The following PHC3 variants were observed in gnomAD, a reference collection of about 807,000 sequenced individuals.
The protein encoded by PHC3 is polyhomeotic-like protein 3.
PHC3 carries 13 observed loss-of-function variants against 107.4 expected under a neutral mutation model. The observed-to-expected ratio is 0.12, with a 90% CI of 0.08 to 0.19. PHC3 has a LOEUF of 0.19. PHC3 is among the 10% of genes least tolerant of loss of function. The pLI is 1.00. For synonymous variants in PHC3, 456 were observed against 427.4 expected (o/e 1.07, Z -0.83); for missense variants, 992 against 1,210.9 (o/e 0.82, Z 2.68).
chr3:170,152,900 G>A (rs1465102203), intron 4 of PHC3, among the ~76,000 whole-genome samples: 3 of 151,908 alleles, frequency 2.0e-5, no homozygotes, highest in Non-Finnish European at 4.4e-5. Context: ...GGGCTCAAGC[G>A]ATACCCCCAC....
At chr3:170,119,796 A>G (rs1319036574) in intron 9 of PHC3, among the ~76,000 whole-genome samples, 1 of 151,964 alleles carries the variant, frequency 6.6e-6, no homozygotes, top group Non-Finnish European at 1.5e-5. Flanking sequence ...CTATTTCTGC[A>G]AGTTAGTTTA....
intron 9 of PHC3, among the ~76,000 whole-genome samples, chr3:170,118,657 C>T (rs1243359727): frequency 3.3e-5 from 5 of 152,084 alleles, no homozygotes; most frequent in African/African-American, 4.8e-5. Flanking sequence ...GTGATCCACC[C>T]GCCTCGGCCT....
chr3:170,151,108 G>A (rs1348225437), intron 4 of PHC3, among the ~76,000 whole-genome samples: 2 of 151,986 alleles, frequency 1.3e-5, no homozygotes, highest in African/African-American at 4.8e-5. Context: ...CTACTCAGAA[G>A]GCTGAGGCAG....
intron 5 of PHC3, 199 bp downstream of exon 5, chr3:170,148,887 G>GATACCA: frequency 2.0e-6 from 1 of 490,940 alleles, no homozygotes; most frequent in South Asian, 3.6e-5. Context: ...ATTACTATTT[G>GATACCA]ATACCAAGAA....
chr3:170,181,719 C>G lies in PHC3; in HGVS notation c.-4G>C. On this transcript the variant is annotated 5_prime_UTR_variant, in exon 1 of 15. Coordinates refer to ENST00000495893, the MANE Select transcript of PHC3 (RefSeq NM_024947.4). ...TCACTCACTCCGCTTCCGCCATCTT[C>G]TCTCCTCCATCACTAACATGGGCTG... 6.2e-7 allele frequency: 1 copy of G among 1,613,028 alleles called. No individual in the cohort carries two copies. The highest frequency in any genetic ancestry group is 1.1e-5 in the South Asian group (1 of 91,082).
Position 170,089,933 on chromosome 3 carries a change from AAAAAAAAAAAAGAAAG to A in PHC3, c.*7281_*7296del, listed in dbSNP as rs1342324778. The A allele has an allele frequency of 5.9e-5, 9 of 151,430 alleles. No homozygotes were observed. In the South Asian group the frequency reaches 1.3e-3, roughly 21 times the overall value. The allele number at this position is 151,430 out of a possible 1,614,324, so 9.4% of individuals were successfully genotyped here. The stretch of plus-strand genomic sequence containing the variant: ...CCATCTCAAAAAAAAAAAAAAGAAA[AAAAAAAAAAAAGAAAG>A]AAAGTTGCTCACTGTCAATACTGGG... On this transcript the variant is annotated 3_prime_UTR_variant, in exon 15 of 15. Transcript: ENST00000495893.
chr3:170,126,524 ATATATT>A (rs1237770862), intron 8 of PHC3, among the ~76,000 whole-genome samples: 3 of 80,046 alleles, frequency 3.7e-5, no homozygotes, highest in African/African-American at 1.5e-4. Flanking sequence ...ATATATATAT[ATATATT>A]TTTTTTTTTT....
chr3:170,105,779 T>C (rs1336288394), intron 12 of PHC3, among the ~76,000 whole-genome samples: 2 of 152,224 alleles, frequency 1.3e-5, no homozygotes, highest in Non-Finnish European at 1.5e-5. Flanking sequence ...TTCAAAATAG[T>C]GTGCACACAC....
chr3:170,113,302 T>C (rs1718189767), intron 11 of PHC3, 58 bp downstream of exon 11: 1 of 1,498,524 alleles, frequency 6.7e-7, no homozygotes, highest in South Asian at 1.3e-5. Context: ...CCACATCCTG[T>C]TTTAAGCAGT....
chr3:170,173,565 T>C (rs1729950966), intron 2 of PHC3, among the ~76,000 whole-genome samples: 1 of 152,222 alleles, frequency 6.6e-6, no homozygotes, highest in Non-Finnish European at 1.5e-5. Flanking sequence ...ACTTAAAATG[T>C]GGTTAGTGCA....
intron 7 of PHC3, among the ~76,000 whole-genome samples, chr3:170,130,957 T>C (rs1304355292): frequency 2.0e-5 from 3 of 152,110 alleles, no homozygotes; most frequent in Non-Finnish European, 4.4e-5. Flanking sequence ...GACTATATTA[T>C]ACCTTACATC....
chr3:170,179,049 C>T (rs1161785769), intron 1 of PHC3, 111 bp from the exon 2 acceptor site: 2 of 1,032,912 alleles, frequency 1.9e-6, no homozygotes, highest in Non-Finnish European at 2.9e-6. Context: ...TAGGAAGGCT[C>T]TCATAAAAGA....
At chr3:170,181,009 T>G (rs1245207513) in intron 1 of PHC3, among the ~76,000 whole-genome samples, 1 of 152,180 alleles carries the variant, frequency 6.6e-6, no homozygotes, top group Non-Finnish European at 1.5e-5. Context: ...CAGGAAACAG[T>G]AAGTTCTGGA....
chr3:170,150,854 A>T (rs982043733), intron 4 of PHC3: 14 of 209,706 alleles, frequency 6.7e-5, no homozygotes, highest in Admixed American at 1.8e-4. Context: ...GAAAAGAAAA[A>T]GCATACTCTT....
At position 170,092,908 on chromosome 3, in the gene PHC3, C is replaced by T. The variant is rs1325638092; in HGVS notation, c.*4322G>A. On this transcript the variant is annotated 3_prime_UTR_variant, in exon 15 of 15. Coordinates refer to ENST00000495893, the MANE Select transcript of PHC3 (RefSeq NM_024947.4). ...AATCTTGACATATAAAAACTATAAC[C>T]TATTTACTGCTATAACTGGCATCTA... 6.6e-6 allele frequency: 1 copy of T among 152,244 alleles called. No homozygotes were observed. The highest frequency in any genetic ancestry group is 2.1e-4 in the South Asian group (1 of 4,826). 9.4% of individuals were successfully genotyped at this position (152,244 alleles called of 1,614,324 possible). A position where few individuals can be genotyped will look rare whatever the true frequency, so the allele number is the denominator to read the frequency against.
intron 2 of PHC3, among the ~76,000 whole-genome samples, chr3:170,178,321 T>C (rs1398319910): frequency 2.6e-5 from 4 of 151,600 alleles, no homozygotes; most frequent in Non-Finnish European, 5.9e-5. Context: ...TTTTTTGTAT[T>C]TTTAGTAGAG....
At chr3:170,159,251 C>CAAA (rs1278767405) in intron 4 of PHC3, among the ~76,000 whole-genome samples, 9 of 69,506 alleles carry the variant, frequency 1.3e-4, no homozygotes, top group African/African-American at 1.9e-4. Flanking sequence ...GACTCGGTCT[C>CAAA]AAAAAAAAAA....
rs748865605 is a variant in PHC3, at chr3:170,129,221, T to C, written c.1251A>G (p.Ser417=). The C allele has an allele frequency of 8.7e-6, 14 of 1,613,638 alleles. No individual in the cohort carries two copies. Among genetic ancestry groups the C allele is most frequent in the Non-Finnish European group, 1.2e-5 (14 of 1,179,730 alleles). The change falls in exon 8 of 15, where the codon TCA becomes TCG. Residue 417 remains serine (S), a synonymous_variant. Transcript: ENST00000495893. ...TAATTATAGTAGGAGACTGACTTGG[T>C]GAATGAGGTGGTGGAGGAGACACCA... ...SVVVSPPPPH[S]PSQSPTIIIH...
At chr3:170,104,438 T>C (rs573206999) in intron 12 of PHC3, among the ~76,000 whole-genome samples, 1 of 152,242 alleles carries the variant, frequency 6.6e-6, no homozygotes, top group Admixed American at 6.5e-5. Flanking sequence ...TAACCTATTT[T>C]CAAAAATCTG....
Sources: allele counts gnomAD v4.1 joint callset (sites outside exome capture counted in the v4.1 genomes callset), GRCh38; gene constraint gnomAD v4.1.1; transcripts MANE v1.5; gene names NCBI Gene and HGNC (gene_info 2026-07-23, HGNC 2026-07-21).